Variants in MCTP1 observed in about 807,000 individuals in gnomAD.
The protein encoded by MCTP1 is multiple C2 and transmembrane domain containing 1.
In MCTP1, 69 loss-of-function variants were observed where a neutral mutation model predicts 120.6. The ratio of observed to expected loss-of-function variants is 0.57; its 90% CI spans 0.47 to 0.70. MCTP1 has a LOEUF of 0.70. Among genes scored for constraint, MCTP1 ranks in the 30% least tolerant of loss-of-function variants. The pLI, the probability that MCTP1 is intolerant of heterozygous loss-of-function variation, is 0.00. For synonymous variants in MCTP1, 529 were observed against 493.1 expected (o/e 1.07, Z -0.96); for missense variants, 1,203 against 1,248.8 (o/e 0.96, Z 0.55).
chr5:95,148,676 C>T (rs1176726730), intron 1 of MCTP1, among the ~76,000 whole-genome samples: 1 of 152,114 alleles, frequency 6.6e-6, no homozygotes, highest in Non-Finnish European at 1.5e-5. Flanking sequence ...CATTCAGATT[C>T]TGAATTCTAT....
rs140845955 is a variant in MCTP1 at position 95,277,070 on chromosome 5, A to C, written c.720+6786T>G. Among the ~76,000 whole-genome samples, 614 of 152,274 alleles carry C rather than the reference A, an allele frequency of 4.0e-3. 7 individuals are homozygous for C. The highest frequency in any genetic ancestry group is 0.014 in the African/African-American group (587 of 41,554). ...TTGAGCCAAGATCCAGGCAGAATTC[A>C]AGACTCAGAGGCATAGCTAAGTGAG... On this transcript the variant is annotated intron_variant, in intron 1 of 22. Coordinates refer to ENST00000515393, the MANE Select transcript of MCTP1 (RefSeq NM_024717.7).
At chr5:94,715,241 A>C (rs933907167) in intron 19 of MCTP1, among the ~76,000 whole-genome samples, 1 of 151,950 alleles carries the variant, frequency 6.6e-6, no homozygotes, top group Non-Finnish European at 1.5e-5. Flanking sequence ...CCACTGATAC[A>C]CTACTTAGTG....
At chr5:95,125,784 T>C (rs776725082) in intron 1 of MCTP1, among the ~76,000 whole-genome samples, 42 of 152,220 alleles carry the variant, frequency 2.8e-4, no homozygotes, top group Non-Finnish European at 3.8e-4. Context: ...ATCATATACA[T>C]AAACTATATG....
chr5:94,740,669 A>G (rs1466407166), intron 19 of MCTP1, among the ~76,000 whole-genome samples: 1 of 152,176 alleles, frequency 6.6e-6, no homozygotes, highest in Admixed American at 6.5e-5. Flanking sequence ...TCATTGTGAG[A>G]GAAGCTCTGC....
At chr5:95,206,507 G>C (rs1258308023) in intron 1 of MCTP1, among the ~76,000 whole-genome samples, 1 of 152,162 alleles carries the variant, frequency 6.6e-6, no homozygotes, top group Admixed American at 6.5e-5. Flanking sequence ...ACATTTTAGA[G>C]ACAGGACATT....
chr5:94,910,216 G>GTA, intron 9 of MCTP1, among the ~76,000 whole-genome samples: 1 of 151,094 alleles, frequency 6.6e-6, no homozygotes, highest in East Asian at 1.9e-4. Context: ...ATACATATAT[G>GTA]TGTATACATA....
intron 1 of MCTP1, among the ~76,000 whole-genome samples, chr5:95,211,484 G>A (rs989571769): frequency 9.9e-5 from 15 of 152,080 alleles, no homozygotes; most frequent in Non-Finnish European, 1.5e-4. Flanking sequence ...TGAGGCTTCT[G>A]CATTCTTCAC....
chr5:95,153,118 C>A lies in MCTP1; in HGVS notation c.720+130738G>T, dbSNP rs144870528. 3.4e-3 allele frequency among the ~76,000 whole-genome samples: 511 copies of A among 152,242 alleles called. 2 individuals are homozygous for A. Among genetic ancestry groups the A allele is most frequent in the African/African-American group, 0.012 (486 of 41,536 alleles). On this transcript the variant is annotated intron_variant, in intron 1 of 22. Transcript: ENST00000515393. ...ATGTCATCTCAAATTGTGATCCCCA[C>A]GTGTTGATGGAGGGACTAGTTGGGA... is the stretch of plus-strand genomic sequence containing the variant.
intron 19 of MCTP1, among the ~76,000 whole-genome samples, chr5:94,734,743 G>A (rs1010547787): frequency 2.6e-5 from 4 of 152,146 alleles, no homozygotes; most frequent in Non-Finnish European, 5.9e-5. Flanking sequence ...AGATGTGAGT[G>A]AGGCATCATG....
At chr5:95,231,645 A>G (rs947686771) in intron 1 of MCTP1, among the ~76,000 whole-genome samples, 2 of 152,238 alleles carry the variant, frequency 1.3e-5, no homozygotes, top group Admixed American at 6.5e-5. Context: ...GGAAGTACAG[A>G]TCTACATAAA....
rs74590936 is a variant in MCTP1, at chr5:95,252,650, A to T, written c.720+31206T>A. 6.3e-3 allele frequency among the ~76,000 whole-genome samples: 952 copies of T among 152,256 alleles called. 10 individuals carry two copies. The highest frequency in any genetic ancestry group is 0.021 in the African/African-American group (875 of 41,554). On this transcript the variant is annotated intron_variant, in intron 1 of 22. Transcript: ENST00000515393. ...ATCTGAACCTACACAGTCTGGGTCT[A>T]GGATCTACTTTCACACTTTAACATT...
At chr5:94,781,726 G>A (rs2152948366) in intron 18 of MCTP1, among the ~76,000 whole-genome samples, 1 of 152,230 alleles carries the variant, frequency 6.6e-6, no homozygotes, top group East Asian at 1.9e-4. Flanking sequence ...ACTCAAAGAG[G>A]TCTACAGAAT....
At chr5:95,005,374 G>A (rs988701786) in intron 2 of MCTP1, among the ~76,000 whole-genome samples, 5 of 152,140 alleles carry the variant, frequency 3.3e-5, no homozygotes, top group African/African-American at 9.7e-5. Context: ...TTGGGGTACT[G>A]TTGGGAAGAC....
intron 1 of MCTP1, among the ~76,000 whole-genome samples, chr5:95,100,674 C>T (rs1331528642): frequency 1.3e-5 from 2 of 152,188 alleles, no homozygotes; most frequent in African/African-American, 4.8e-5. Flanking sequence ...AGGATTTTCA[C>T]AGCTGACACC....
intron 1 of MCTP1, among the ~76,000 whole-genome samples, chr5:95,274,466 C>A (rs1040593022): frequency 1.3e-4 from 20 of 152,112 alleles, no homozygotes; most frequent in African/African-American, 4.8e-4. Context: ...AACCCATGTA[C>A]TTAGGAACCT....
Position 95,284,432 on chromosome 5 carries a change from G to A in MCTP1, c.144C>T (p.Arg48=). The change falls in exon 1 of 23, where the codon CGC becomes CGT. Residue 48 remains arginine, a synonymous_variant. Transcript: ENST00000515393. This position sits in a 1 kb window ranked among gnomAD's most constrained non-coding sequence, Gnocchi z 5.2. ...GGGGRAGGPE[R]RTADTPSPSP... ...AGGGCGACGGGGTGTCCGCAGTGCG[G>A]CGCTCTGGACCCCCAGCGCGCCCGC... The A allele has an allele frequency of 6.5e-7, 1 of 1,549,310 alleles. No homozygotes were observed. Among genetic ancestry groups the A allele is most frequent in the Non-Finnish European group, 8.7e-7 (1 of 1,156,064 alleles).
At chr5:95,065,234 T>A (rs765319517) in intron 1 of MCTP1, among the ~76,000 whole-genome samples, 1 of 151,930 alleles carries the variant, frequency 6.6e-6, no homozygotes, top group Admixed American at 6.6e-5. Flanking sequence ...CAAATTATTA[T>A]GTAGCATAAA....
At chr5:95,118,150 C>T (rs1274127028) in intron 1 of MCTP1, among the ~76,000 whole-genome samples, 1 of 152,214 alleles carries the variant, frequency 6.6e-6, no homozygotes, top group African/African-American at 2.4e-5. Context: ...CAAACCTGCA[C>T]ATCCTGCACA....
chr5:94,812,918 C>G (rs1233357556), intron 17 of MCTP1, among the ~76,000 whole-genome samples: 5 of 152,020 alleles, frequency 3.3e-5, no homozygotes, highest in African/African-American at 9.7e-5. Flanking sequence ...CTCTCTCTCT[C>G]TCTCTCTGTA....
Sources: gnomAD v4.1 joint callset for allele counts (sites outside exome capture counted in the v4.1 genomes callset) on GRCh38, gnomAD v4.1.1 for gene constraint, Gnocchi (gnomAD v3.1) non-coding constraint, MANE v1.5 for transcripts, NCBI Gene and HGNC (gene_info 2026-07-23, HGNC 2026-07-21) for gene names.